Variants in STRN3 observed in about 807,000 individuals in gnomAD.
STRN3 encodes the protein striatin-3.
A neutral mutation model predicts 95.6 loss-of-function variants in STRN3; 29 were observed. That is an observed-to-expected ratio of 0.30 (90% confidence interval 0.23 to 0.41). The LOEUF is 0.41. Ranked by LOEUF, STRN3 falls within the 10% of genes least tolerant of loss-of-function variation. The pLI is 1.00. For synonymous variants in STRN3, 331 were observed against 357.6 expected (o/e 0.93, Z 0.84); for missense variants, 890 against 972.1 (o/e 0.92, Z 1.12).
At chr14:30,943,816 G>T (rs747464677) in intron 5 of STRN3, among the ~76,000 whole-genome samples, 6 of 152,034 alleles carry the variant, frequency 3.9e-5, no homozygotes, top group Admixed American at 6.6e-5. Flanking sequence ...CAATCATGAG[G>T]TACTTAAAGT....
intron 1 of STRN3, among the ~76,000 whole-genome samples, chr14:31,013,867 TTATTATTATTATTATTATTA>T (rs1883094563): frequency 3.2e-4 from 30 of 92,752 alleles, no homozygotes; most frequent in South Asian, 9.1e-4. Flanking sequence ...AGCAATTTTA[TTATTATTATTATTATTATTA>T]TTATTATTAT....
At chr14:30,968,384 T>TA (rs71112364) in intron 1 of STRN3, among the ~76,000 whole-genome samples, 16,633 of 136,644 alleles carry the variant, frequency 0.12, 1,324 homozygotes, top group East Asian at 0.25. Context: ...TTAACTGGTT[T>TA]AAAAAAAAAA....
chr14:30,946,954 G>A, intron 5 of STRN3, 136 bp downstream of exon 5: 1 of 539,560 alleles, frequency 1.9e-6, no homozygotes. Context: ...ACTCCAGCTT[G>A]GGCGACAAGA....
At chr14:30,898,462 C>G (rs1424534390) in intron 16 of STRN3, among the ~76,000 whole-genome samples, 1 of 152,154 alleles carries the variant, frequency 6.6e-6, no homozygotes, top group East Asian at 1.9e-4. Flanking sequence ...CTAAACTAAC[C>G]CTCACCCTGA....
At chr14:30,995,901 C>G (rs373024984) in intron 1 of STRN3, among the ~76,000 whole-genome samples, 2 of 152,152 alleles carry the variant, frequency 1.3e-5, no homozygotes, top group African/African-American at 4.8e-5. Context: ...GGCTGTCAAT[C>G]CTCTTTAGAA....
chr14:30,924,729 C>G (rs1378723817), intron 8 of STRN3, among the ~76,000 whole-genome samples: 2 of 152,094 alleles, frequency 1.3e-5, no homozygotes, highest in East Asian at 3.9e-4. Flanking sequence ...TAGTGGTGCA[C>G]ACCTGTGGTC....
intron 1 of STRN3, among the ~76,000 whole-genome samples, chr14:30,967,900 A>ACGACTTCCTCC: frequency 6.6e-6 from 1 of 152,274 alleles, no homozygotes. Context: ...CCTTCAGGAC[A>ACGACTTCCTCC]CGACTTCCTC....
intron 8 of STRN3, among the ~76,000 whole-genome samples, chr14:30,925,092 A>T (rs377359074): frequency 6.6e-6 from 1 of 152,068 alleles, no homozygotes; most frequent in South Asian, 2.1e-4. Flanking sequence ...CAAGGTACTG[A>T]CTCTTAGAGT....
In STRN3 at chr14:31,026,163, C is replaced by T; in HGVS notation, c.23G>A (p.Gly8Asp). 2 of 1,486,686 alleles carry T rather than the reference C, an allele frequency of 1.3e-6. No homozygotes were observed. The highest frequency in any genetic ancestry group is 1.5e-5 in the African/African-American group (1 of 68,334). 92.1% of individuals were successfully genotyped at this position (1,486,686 alleles called of 1,614,324 possible). MDELAGG[G>D]GGGPGMAAPP... The stretch of plus-strand genomic sequence containing the variant: ...GGCCGCCATCCCCGGGCCGCCACCA[C>T]CGCCTCCGGCAAGCTCGTCCATTGT... The change falls in exon 1 of 18, where the codon GGT (glycine) becomes GAT (aspartate). Residue 8 changes from glycine (G) to aspartate (D), a missense_variant. By Grantham distance (94) the Gly-to-Asp change is moderately conservative. This residue lies in a region of STRN3 where 526 missense variants were observed against 526.3 expected (regional missense o/e 1.00). Transcript: ENST00000357479.
At chr14:31,013,886 T>TATTATTTGAGACAGAGTGTC (rs1883100036) in intron 1 of STRN3, among the ~76,000 whole-genome samples, 2 of 136,210 alleles carry the variant, frequency 1.5e-5, no homozygotes, top group African/African-American at 5.7e-5. Flanking sequence ...TTATTATTAT[T>TATTATTTGAGACAGAGTGTC]ATTATTATTA....
chr14:30,915,445 A>G (rs1594430269), intron 9 of STRN3, among the ~76,000 whole-genome samples: 1 of 152,168 alleles, frequency 6.6e-6, no homozygotes, highest in Non-Finnish European at 1.5e-5. Flanking sequence ...CAGAAAATAT[A>G]TAGAGATATT....
intron 13 of STRN3, among the ~76,000 whole-genome samples, chr14:30,908,286 T>C (rs1436870325): frequency 2.6e-5 from 4 of 152,316 alleles, no homozygotes; most frequent in East Asian, 1.9e-4. Context: ...AATAGAAATA[T>C]GCTTTTCACT....
At chr14:31,023,751 A>C (rs1883625238) in intron 1 of STRN3, among the ~76,000 whole-genome samples, 1 of 152,068 alleles carries the variant, frequency 6.6e-6, no homozygotes, top group South Asian at 2.1e-4. Flanking sequence ...TCTCACAAGC[A>C]ATCTCAGTAG....
chr14:30,966,916 G>T (rs1262704997), intron 1 of STRN3, among the ~76,000 whole-genome samples: 1 of 152,088 alleles, frequency 6.6e-6, no homozygotes, highest in African/African-American at 2.4e-5. Flanking sequence ...AGTGTGCAAA[G>T]GACCTTCAGA....
intron 1 of STRN3, among the ~76,000 whole-genome samples, chr14:30,978,303 G>A (rs1202099560): frequency 2.6e-5 from 4 of 151,860 alleles, no homozygotes; most frequent in Non-Finnish European, 4.4e-5. Context: ...TTTATTCCAG[G>A]CATACTAGAC....
chr14:30,946,980 A>T, intron 5 of STRN3, 110 bp downstream of exon 5: 1 of 152,714 alleles, frequency 6.5e-6, no homozygotes. Flanking sequence ...ACTCCGTGTC[A>T]AAAAAAAAAA....
chr14:30,907,723 G>A (rs34284209), intron 13 of STRN3, among the ~76,000 whole-genome samples: 31,443 of 152,042 alleles, frequency 0.21, 3,735 homozygotes, highest in Middle Eastern at 0.3. Flanking sequence ...ATCCATGTTG[G>A]AGCATGTATC....
intron 1 of STRN3, among the ~76,000 whole-genome samples, chr14:31,015,279 T>C (rs948187301): frequency 6.6e-6 from 1 of 152,200 alleles, no homozygotes; most frequent in African/African-American, 2.4e-5. Context: ...CCAATTACTA[T>C]AGTTTTGTTC....
intron 2 of STRN3, 140 bp downstream of exon 2, chr14:30,955,999 T>C (rs377247724): frequency 1.5e-6 from 1 of 648,744 alleles, no homozygotes. Flanking sequence ...TTCCCAAGTA[T>C]GAATCAAATC....
Sources: gnomAD v4.1 joint callset for allele counts (sites outside exome capture counted in the v4.1 genomes callset) on GRCh38, gnomAD v4.1.1 for gene constraint, gnomAD v4.1.1 regional missense constraint, MANE v1.5 for transcripts, NCBI Gene and HGNC (gene_info 2026-07-23, HGNC 2026-07-21) for gene names.